SEC24B: variants seen among roughly 807,000 people sequenced by gnomAD.
SEC24B encodes the protein protein transport protein Sec24B.
A neutral mutation model predicts 142.8 loss-of-function variants in SEC24B; 45 were observed. The ratio of observed to expected loss-of-function variants is 0.32; its 90% CI spans 0.25 to 0.40. The LOEUF (loss-of-function observed/expected upper bound fraction) is 0.40, where lower values mean the gene tolerates loss of function less well. SEC24B is among the 10% of genes least tolerant of loss of function. SEC24B has a pLI of 1.00. For missense variants in SEC24B, 1,409 were observed against 1,526.8 expected (o/e 0.92, Z 1.29); for synonymous variants, 574 against 568.2 (o/e 1.01, Z -0.15).
chr4:109,462,901 G>A lies in SEC24B; in HGVS notation c.134G>A (p.Gly45Asp), dbSNP rs1731426789. Residue 45 changes from glycine to aspartate, a missense_variant and splice_region_variant, in exon 2 of 24, where the codon GGT (glycine) becomes GAT (aspartate). By Grantham distance (94) the Gly-to-Asp change is moderately conservative (BLOSUM62 -1). Coordinates refer to ENST00000265175, the MANE Select transcript of SEC24B (RefSeq NM_006323.5). ...GAGPAPHQQNGPAQNQMQVPS... is the reference protein window; with the variant it reads ...GAGPAPHQQNDPAQNQMQVPS... ...TACCTGTAAATACTTGCTTTTTCAG[G>A]TCCAGCCCAGAATCAAATGCAGGTT... 7.9e-7 allele frequency: 1 copy of A among 1,260,032 alleles called. No homozygotes were observed. The highest frequency in any genetic ancestry group is 1.1e-6 in the Non-Finnish European group (1 of 923,430). 78.1% of individuals were successfully genotyped at this position (1,260,032 alleles called of 1,614,324 possible).
At chr4:109,487,146 CAA>C (rs2125994530) in intron 4 of SEC24B, among the ~76,000 whole-genome samples, 1 of 114,648 alleles carries the variant, frequency 8.7e-6, no homozygotes, top group South Asian at 2.7e-4. Flanking sequence ...GCCTGAGTGA[CAA>C]GAGTGAGACT....
chr4:109,507,621 C>T (rs765338372), intron 7 of SEC24B, among the ~76,000 whole-genome samples: 12 of 151,644 alleles, frequency 7.9e-5, no homozygotes, highest in Non-Finnish European at 1.5e-4. Flanking sequence ...TCTTTAGAGC[C>T]AATATTTCCT....
intron 1 of SEC24B, among the ~76,000 whole-genome samples, chr4:109,455,704 T>C (rs1730598791): frequency 2.0e-5 from 3 of 152,254 alleles, no homozygotes; most frequent in Non-Finnish European, 1.5e-5. Context: ...ATCAGTTGAC[T>C]GTATTTTTAT....
At chr4:109,486,328 G>A (rs1307970141) in intron 4 of SEC24B, among the ~76,000 whole-genome samples, 1 of 151,958 alleles carries the variant, frequency 6.6e-6, no homozygotes, top group Non-Finnish European at 1.5e-5. Context: ...AAATTATCTG[G>A]CTAATTTCAA....
chr4:109,512,676 G>T (rs1290477901), intron 9 of SEC24B, among the ~76,000 whole-genome samples: 3 of 148,332 alleles, frequency 2.0e-5, no homozygotes, highest in Non-Finnish European at 4.4e-5. Context: ...TTTTTTTTGA[G>T]ACAGGGTCTC....
chr4:109,512,256 C>T (rs1356145650), intron 9 of SEC24B, among the ~76,000 whole-genome samples, 173 bp downstream of exon 9: 1 of 151,880 alleles, frequency 6.6e-6, no homozygotes, highest in East Asian at 1.9e-4. Flanking sequence ...TTTGGCTGAC[C>T]AAGGGGATAA....
intron 7 of SEC24B, 105 bp downstream of exon 7, chr4:109,506,617 T>A: frequency 1.2e-6 from 1 of 813,376 alleles, no homozygotes; most frequent in Non-Finnish European, 1.8e-6. Context: ...GAAGTTTCAT[T>A]AATGTTGACT....
At chr4:109,514,154 C>T (rs1737679090) in intron 10 of SEC24B, among the ~76,000 whole-genome samples, 1 of 152,050 alleles carries the variant, frequency 6.6e-6, no homozygotes, top group South Asian at 2.1e-4. Context: ...ACCCTTTTAC[C>T]ATTTAACATT....
intron 21 of SEC24B, 152 bp from the exon 22 acceptor site, chr4:109,533,441 T>A: frequency 1.6e-6 from 1 of 621,718 alleles, no homozygotes; most frequent in Non-Finnish European, 2.8e-6. Flanking sequence ...CACTCTGGAT[T>A]CTTACATATA....
At chr4:109,501,872 G>A (rs1239141470) in intron 6 of SEC24B, among the ~76,000 whole-genome samples, 1 of 152,228 alleles carries the variant, frequency 6.6e-6, no homozygotes, top group Non-Finnish European at 1.5e-5. Context: ...TACGAGAGGA[G>A]GCTCAGTGAA....
At chr4:109,435,337 A>G (rs999510747) in intron 1 of SEC24B, among the ~76,000 whole-genome samples, 7 of 152,334 alleles carry the variant, frequency 4.6e-5, no homozygotes, top group African/African-American at 1.2e-4. Context: ...TAAAAATACT[A>G]TTTGTGAGCA....
Position 109,473,039 on chromosome 4 carries a change from G to A in SEC24B, c.913G>A (p.Val305Ile), listed in dbSNP as rs897335709. 1.1e-5 allele frequency: 18 copies of A among 1,589,440 alleles called. No homozygotes were observed. Among genetic ancestry groups the A allele is most frequent in the Non-Finnish European group, 1.5e-5 (18 of 1,169,002 alleles). Residue 305 changes from valine (V) to isoleucine (I), a missense_variant, in exon 3 of 24, where the codon GTT becomes ATT. Physicochemically the swap from Val to Ile is conservative, Grantham distance 29. Coordinates refer to ENST00000265175, the MANE Select transcript of SEC24B (RefSeq NM_006323.5). ...DSLSCPVMQNVQPPKSSPVVS... is the reference protein window; with the variant it reads ...DSLSCPVMQNIQPPKSSPVVS... The stretch of plus-strand genomic sequence containing the variant: ...TTTATCCTGTCCTGTTATGCAAAAT[G>A]TTCAGCCTCCCAAGTCCAGCCCAGT...
Position 109,491,367 on chromosome 4 carries a change from G to A in SEC24B, c.1206G>A (p.Met402Ile), listed in dbSNP as rs1445073398. ...CTACCACAAGCAGTGCTTCTCCAAT[G>A]CCCAACAGTTATGATGCCCTGGAAG... ...SSSTTSSASP[M>I]PNSYDALEGG... Residue 402 changes from methionine to isoleucine, a missense_variant, in exon 5 of 24, where the codon ATG (methionine) becomes ATA (isoleucine). Met to Ile is a conservative substitution (Grantham distance 10). Transcript: ENST00000265175. 8.7e-6 allele frequency: 14 copies of A among 1,613,688 alleles called. No individual in the cohort carries two copies. The highest frequency in any genetic ancestry group is 1.1e-5 in the Non-Finnish European group (13 of 1,179,716).
At position 109,539,820 on chromosome 4, in the gene SEC24B, T is replaced by C; in HGVS notation, c.*145T>C. On this transcript the variant is annotated 3_prime_UTR_variant, in exon 24 of 24. Coordinates refer to ENST00000265175, the MANE Select transcript of SEC24B (RefSeq NM_006323.5). ...CTCTGTCTGAGGCTTTGGTAAAAAG[T>C]AAAGGGGAAGAAAGAACTTGACAGA... 1.7e-6 allele frequency: 1 copy of C among 598,492 alleles called. No homozygotes were observed. 37.1% of individuals were successfully genotyped at this position (598,492 alleles called of 1,614,324 possible). A position where few individuals can be genotyped will look rare whatever the true frequency, so the allele number is the denominator to read the frequency against.
intron 2 of SEC24B, among the ~76,000 whole-genome samples, chr4:109,466,169 A>G (rs534483184): frequency 9.9e-5 from 15 of 152,280 alleles, no homozygotes; most frequent in African/African-American, 1.7e-4. Context: ...ACTTAGTAGT[A>G]GTTCGTAAGG....
At chr4:109,502,328 TGAC>T (rs1259863267) in intron 6 of SEC24B, among the ~76,000 whole-genome samples, 1 of 152,214 alleles carries the variant, frequency 6.6e-6, no homozygotes, top group African/African-American at 2.4e-5. Context: ...TGTAATAGGA[TGAC>T]ATCTAATTTA....
intron 1 of SEC24B, among the ~76,000 whole-genome samples, chr4:109,456,170 CT>C (rs1340044077): frequency 6.6e-6 from 1 of 151,920 alleles, no homozygotes; most frequent in Non-Finnish European, 1.5e-5. Flanking sequence ...CTTAATTCCC[CT>C]TGTTTACTAC....
chr4:109,524,539 G>T (rs992721173), intron 14 of SEC24B, among the ~76,000 whole-genome samples: 1 of 152,056 alleles, frequency 6.6e-6, no homozygotes, highest in Non-Finnish European at 1.5e-5. Context: ...TACTTAATCA[G>T]TTATTGCCTC....
Position 109,511,913 on chromosome 4 carries a change from T to TG in SEC24B, c.1777-40dup, listed in dbSNP as rs1267376335. On this transcript the variant is annotated intron_variant, in intron 8 of 23. Coordinates refer to ENST00000265175, the MANE Select transcript of SEC24B (RefSeq NM_006323.5). ...GATCTGTGTACGTTCTGTTTTTCCT[T>TG]GGGGTGCCTTTTTCTGCTACAGCTT... is the stretch of plus-strand genomic sequence containing the variant. The TG allele has an allele frequency of 1.9e-6, 3 of 1,602,882 alleles. No individual in the cohort carries two copies. In the African/African-American group the frequency reaches 4.0e-5, roughly 22 times the overall value.
Sources: gnomAD v4.1 joint callset for allele counts (sites outside exome capture counted in the v4.1 genomes callset) on GRCh38, gnomAD v4.1.1 for gene constraint, MANE v1.5 for transcripts, NCBI Gene and HGNC (gene_info 2026-07-23, HGNC 2026-07-21) for gene names.